The following DMTF1 variants were observed in gnomAD, a reference collection of about 807,000 sequenced individuals.
DMTF1 encodes cyclin D binding myb like transcription factor 1.
A neutral mutation model predicts 91.1 loss-of-function variants in DMTF1; 39 were observed. That is an observed-to-expected ratio of 0.43 (90% CI 0.33 to 0.56). DMTF1 has a LOEUF of 0.56. DMTF1 is among the 20% of genes least tolerant of loss of function. DMTF1 has a pLI of 0.05. For synonymous variants in DMTF1, 338 were observed against 309.5 expected (o/e 1.09, Z -0.97); for missense variants, 750 against 914.5 (o/e 0.82, Z 2.32).
intron 7 of DMTF1, among the ~76,000 whole-genome samples, chr7:87,176,965 CTG>C (rs1239920677): frequency 5.9e-5 from 9 of 152,206 alleles, no homozygotes; most frequent in African/African-American, 2.2e-4. Context: ...TCATCTCACT[CTG>C]TGGTCATCCT....
chr7:87,152,929 A>C (rs1468453565), intron 1 of DMTF1: 1 of 154,532 alleles, frequency 6.5e-6, no homozygotes, highest in Non-Finnish European at 1.5e-5. Context: ...GAACTGGGCC[A>C]GAAGGAGTGG....
chr7:87,164,052 T>C (rs1793177655), intron 2 of DMTF1, among the ~76,000 whole-genome samples: 1 of 62,654 alleles, frequency 1.6e-5, no homozygotes, highest in Admixed American at 1.6e-4. Flanking sequence ...AGACGCCTTC[T>C]CTAAAAAAAA....
In DMTF1 at chr7:87,184,384, T is replaced by C; in HGVS notation, c.821-13T>C. On this transcript the variant is annotated splice_polypyrimidine_tract_variant and intron_variant, in intron 10 of 17. Transcript: ENST00000331242. The stretch of plus-strand genomic sequence containing the variant: ...AGTTAGCAGTGGTAGTCTGGATGAT[T>C]TCCTTTTTTCAGGGAAGTGGACAGA... 6.2e-7 allele frequency: 1 copy of C among 1,611,794 alleles called. No homozygotes were observed. Among genetic ancestry groups the C allele is most frequent in the Non-Finnish European group, 8.5e-7 (1 of 1,178,698 alleles).
rs1801085925 is a variant in DMTF1, at chr7:87,195,656, GT to G, written c.*517del. On this transcript the variant is annotated 3_prime_UTR_variant, in exon 18 of 18. Transcript: ENST00000331242. Reference sequence around the variant, plus strand: ...TAGAGACCTAGGAGGTGGTCTTGTGGTGGTACATTTGGTTAACCCATTGCTG... The same window carrying G: ...TAGAGACCTAGGAGGTGGTCTTGTGGGGTACATTTGGTTAACCCATTGCTG... The G allele has an allele frequency of 2.0e-5, 3 of 152,576 alleles. No individual in the cohort carries two copies. The allele number at this position is 152,576 out of a possible 1,614,324, so 9.5% of individuals were successfully genotyped here.
At chr7:87,171,516 T>C (rs182218204) in intron 5 of DMTF1, among the ~76,000 whole-genome samples, 103 of 152,286 alleles carry the variant, frequency 6.8e-4, no homozygotes, top group Non-Finnish European at 1.9e-4. Flanking sequence ...ATGTACTGTG[T>C]CTCCTTCCAG....
intron 7 of DMTF1, among the ~76,000 whole-genome samples, chr7:87,179,069 G>A (rs73206974): frequency 0.035 from 5,339 of 151,728 alleles, 110 homozygotes; most frequent in East Asian, 0.065. Context: ...TCTCTGCAGC[G>A]TCTCTATTTA....
At position 87,195,171 on chromosome 7, in the gene DMTF1, A is replaced by G. The variant is rs1408040308; in HGVS notation, c.*31A>G. 5.5e-6 allele frequency: 8 copies of G among 1,458,144 alleles called. No homozygotes were observed. Among genetic ancestry groups the G allele is most frequent in the Non-Finnish European group, 6.7e-6 (7 of 1,041,096 alleles). The allele number at this position is 1,458,144 out of a possible 1,614,324, so 90.3% of individuals were successfully genotyped here. On this transcript the variant is annotated 3_prime_UTR_variant, in exon 18 of 18. Transcript: ENST00000331242. ...TTCTTAGAAATAGGCAGTTCAAGCAAAGAAGGCACACTGTTAATTACAACC... is the reference window on the plus strand; with the variant it reads ...TTCTTAGAAATAGGCAGTTCAAGCAGAGAAGGCACACTGTTAATTACAACC...
intron 8 of DMTF1, among the ~76,000 whole-genome samples, chr7:87,180,162 A>G (rs1797026414): frequency 6.6e-6 from 1 of 152,240 alleles, no homozygotes; most frequent in African/African-American, 2.4e-5. Context: ...GGAAGGCATC[A>G]TTAAGATTCT....
chr7:87,164,910 G>T (rs1352795799), intron 2 of DMTF1, 24 bp from the exon 3 acceptor site: 1 of 1,431,606 alleles, frequency 7.0e-7, no homozygotes, highest in African/African-American at 1.4e-5. Flanking sequence ...TTGAAATCCT[G>T]ATCTGGAATC....
chr7:87,176,105 T>C (rs1456131969), intron 7 of DMTF1, among the ~76,000 whole-genome samples: 1 of 152,196 alleles, frequency 6.6e-6, no homozygotes, highest in Admixed American at 6.5e-5. Flanking sequence ...CTTACTCTTT[T>C]CCACTCTACA....
At chr7:87,173,498 G>T (rs765330346) in intron 5 of DMTF1, 37 bp from the exon 6 acceptor site, 27 of 1,423,198 alleles carry the variant, frequency 1.9e-5, no homozygotes, top group Middle Eastern at 2.1e-4. Flanking sequence ...TTTTTGTTTT[G>T]TTTTGTTTTG....
intron 14 of DMTF1, among the ~76,000 whole-genome samples, chr7:87,191,582 T>C (rs1799781938): frequency 6.6e-6 from 1 of 152,136 alleles, no homozygotes; most frequent in South Asian, 2.1e-4. Flanking sequence ...TAAAATGTGC[T>C]ATTGCCATGC....
chr7:87,155,913 A>G (rs536096777), intron 1 of DMTF1, among the ~76,000 whole-genome samples: 32 of 152,300 alleles, frequency 2.1e-4, no homozygotes, highest in African/African-American at 6.3e-4. Context: ...CATTCTTCCA[A>G]GCACCAGTGG....
chr7:87,166,531 G>C lies in DMTF1; in HGVS notation c.158G>C (p.Arg53Thr). The C allele has an allele frequency of 6.2e-7, 1 of 1,613,182 alleles. No individual in the cohort carries two copies. The highest frequency in any genetic ancestry group is 8.5e-7 in the Non-Finnish European group (1 of 1,179,276). Residue 53 changes from arginine (R) to threonine (T), a missense_variant, in exon 4 of 18, where the codon AGG (arginine) becomes ACG (threonine). Arg to Thr is a moderately conservative substitution (Grantham distance 71). Coordinates refer to ENST00000331242, the MANE Select transcript of DMTF1 (RefSeq NM_001142327.2). ...SEDSIEPPHK[R>T]LCLSSEDDQS... The stretch of plus-strand genomic sequence containing the variant: ...GATAGTATTGAACCTCCACATAAAA[G>C]GCTTTGTTTGTCCTCTGAGGATGAT...
intron 7 of DMTF1, among the ~76,000 whole-genome samples, chr7:87,177,336 T>C (rs1319644292): frequency 6.6e-6 from 1 of 152,128 alleles, no homozygotes; most frequent in Non-Finnish European, 1.5e-5. Context: ...ATCTAGTGGG[T>C]GTTAATTATG....
chr7:87,161,070 T>C (rs1792234740), intron 1 of DMTF1, among the ~76,000 whole-genome samples: 1 of 152,118 alleles, frequency 6.6e-6, no homozygotes, highest in African/African-American at 2.4e-5. Context: ...TTAATAAAAA[T>C]AACCTACCTT....
chr7:87,165,225 T>C (rs1793551864), intron 3 of DMTF1, among the ~76,000 whole-genome samples, 175 bp downstream of exon 3: 2 of 152,210 alleles, frequency 1.3e-5, no homozygotes, highest in South Asian at 4.1e-4. Context: ...TGTTGCTATG[T>C]TATAAATAGG....
At chr7:87,190,704 A>G (rs1172767345) in intron 13 of DMTF1, among the ~76,000 whole-genome samples, 1 of 152,112 alleles carries the variant, frequency 6.6e-6, no homozygotes, top group Non-Finnish European at 1.5e-5. Flanking sequence ...TTTATTTACA[A>G]AAACTGGCAA....
Position 87,194,013 on chromosome 7 carries a change from G to A in DMTF1, c.1939G>A (p.Val647Ile). 6.2e-7 allele frequency: 1 copy of A among 1,613,246 alleles called. No homozygotes were observed. Among genetic ancestry groups the A allele is most frequent in the Non-Finnish European group, 8.5e-7 (1 of 1,179,540 alleles). Residue 647 changes from valine (V) to isoleucine (I), a missense_variant, in exon 16 of 18, where the codon GTT becomes ATT. By Grantham distance (29) the Val-to-Ile change is conservative. Transcript: ENST00000331242. ...DQNSTELMNS[V>I]MVRTEEEISD... The stretch of plus-strand genomic sequence containing the variant: ...AAATAGCACAGAACTGATGAATAGT[G>A]TTATGGTCAGAACAGAAGAAGAAAT...
Sources: allele counts gnomAD v4.1 joint callset (sites outside exome capture counted in the v4.1 genomes callset), GRCh38; gene constraint gnomAD v4.1.1; transcripts MANE v1.5; gene names NCBI Gene and HGNC (gene_info 2026-07-23, HGNC 2026-07-21).